FAM161A: variants seen among roughly 807,000 people sequenced by gnomAD.
FAM161A encodes protein FAM161A.
A neutral mutation model predicts 70.9 loss-of-function variants in FAM161A; 57 were observed. That is an observed-to-expected ratio of 0.80 (90% CI 0.65 to 1.00). The LOEUF (loss-of-function observed/expected upper bound fraction) is 1.00, where lower values mean the gene tolerates loss of function less well. Ranked by LOEUF, FAM161A falls within the 50% of genes least tolerant of loss-of-function variation. The pLI is 0.00. For missense variants in FAM161A, 880 were observed against 836.0 expected (o/e 1.05, Z -0.65); for synonymous variants, 299 against 295.7 (o/e 1.01, Z -0.12).
Position 61,839,853 on chromosome 2 carries a change from G to T in FAM161A, c.1151C>A (p.Thr384Lys). ...TAAATGCTCCTGGGCTCTCAGCTGT[G>T]TCCTAAGGTTTCGATAGAGCTCTTC... ...KEEELYRNLR[T>K]QLRAQEHLQN... Residue 384 changes from threonine to lysine, a missense_variant, in exon 3 of 7, where the codon ACA becomes AAA. Transcript: ENST00000404929. 6.2e-7 allele frequency: 1 copy of T among 1,614,190 alleles called. No individual in the cohort carries two copies. Among genetic ancestry groups the T allele is most frequent in the Non-Finnish European group, 8.5e-7 (1 of 1,180,038 alleles).
At chr2:61,813,718 C>CAAAAAAAAAAAA in the FAM161A span, among the ~76,000 whole-genome samples, 2 of 86,976 alleles carry the variant, frequency 2.3e-5, no homozygotes, top group African/African-American at 4.4e-5. Context: ...GACCCTGTCT[C>CAAAAAAAAAAAA]AAAAAAAAAA....
chr2:61,838,817 T>C (rs1289116184), intron 3 of FAM161A, 112 bp from the exon 4 acceptor site: 4 of 618,220 alleles, frequency 6.5e-6, no homozygotes, highest in Non-Finnish European at 9.6e-6. Context: ...TGAAAAAAGG[T>C]AACCTTTTGA....
At chr2:61,820,490 C>G, downstream of FAM161A, 2 of 754,464 alleles carry the variant, frequency 2.7e-6, no homozygotes, top group Admixed American at 1.7e-5. Context: ...TCTCAAAGAC[C>G]AGGTGCCCAC....
At chr2:61,844,536 T>C (rs371272817) in intron 1 of FAM161A, among the ~76,000 whole-genome samples, 1 of 151,802 alleles carries the variant, frequency 6.6e-6, no homozygotes, top group East Asian at 1.9e-4. Context: ...CCCTCTCTAC[T>C]AAAAATACAA....
chr2:61,813,011 C>T, the FAM161A span, among the ~76,000 whole-genome samples: 6 of 151,430 alleles, frequency 4.0e-5, no homozygotes, highest in Non-Finnish European at 5.9e-5. Flanking sequence ...TGCAGTGAGC[C>T]GAGATCATGC....
chr2:61,807,633 ATTTTTTT>A, the FAM161A span, among the ~76,000 whole-genome samples: 9 of 113,326 alleles, frequency 7.9e-5, no homozygotes, highest in African/African-American at 2.9e-4. Context: ...TGGACTCCAG[ATTTTTTT>A]TTTTTTTTTT....
At chr2:61,838,401 G>C in intron 4 of FAM161A, 137 bp downstream of exon 4, 1 of 731,300 alleles carries the variant, frequency 1.4e-6, no homozygotes, top group East Asian at 2.6e-5. Context: ...CTGAACACAA[G>C]TAACTGATGA....
chr2:61,825,697 GCGC>G lies in FAM161A; in HGVS notation c.*755_*757del, dbSNP rs1317936618. 7.1e-6 allele frequency: 3 copies of G among 420,124 alleles called. No individual in the cohort carries two copies. The highest frequency in any genetic ancestry group is 3.0e-5 in the Admixed American group (1 of 33,822). The allele number at this position is 420,124 out of a possible 1,614,324, so 26.0% of individuals were successfully genotyped here. Reference sequence around the variant, plus strand: ...CTGTTGCCCAAGCTGGAGTGCAGTGGCGCGATCTCGGCTCACTGCAAGCTCTGC... The same window carrying G: ...CTGTTGCCCAAGCTGGAGTGCAGTGGGATCTCGGCTCACTGCAAGCTCTGC... On this transcript the variant is annotated 3_prime_UTR_variant, in exon 7 of 7. Transcript: ENST00000404929.
In FAM161A at chr2:61,827,167, C is replaced by T. The variant is rs1672398473; in HGVS notation, c.1943G>A (p.Ser648Asn). The T allele has an allele frequency of 1.2e-6, 2 of 1,613,916 alleles. No homozygotes were observed. Among genetic ancestry groups the T allele is most frequent in the Admixed American group, 1.7e-5 (1 of 59,998 alleles). Residue 648 changes from serine to asparagine, a missense_variant, in exon 6 of 7, where the codon AGT (serine) becomes AAT (asparagine). Transcript: ENST00000404929. ...SDEFVSKKGQSGKVLEYFNNQ... is the reference protein window; with the variant it reads ...SDEFVSKKGQNGKVLEYFNNQ... ...GTTGAAGTACTCAAGTACTTTTCCA[C>T]TTTGGCCTTTCTTTGAAACAAACTC...
In FAM161A at chr2:61,825,414, C is replaced by T. The variant is rs1672316075; in HGVS notation, c.*1041G>A. The T allele has an allele frequency of 2.2e-6, 1 of 453,816 alleles. No individual in the cohort carries two copies. Among genetic ancestry groups the T allele is most frequent in the Admixed American group, 2.4e-5 (1 of 42,504 alleles). 28.1% of individuals were successfully genotyped at this position (453,816 alleles called of 1,614,324 possible). On this transcript the variant is annotated 3_prime_UTR_variant, in exon 7 of 7. Coordinates refer to ENST00000404929, the MANE Select transcript of FAM161A (RefSeq NM_001201543.2). ...TCATATAAAAAAAGGGATACTTGCC[C>T]CTAATTTAGATTATAACTCACACAT...
chr2:61,837,183 T>C (rs937039185), intron 4 of FAM161A, among the ~76,000 whole-genome samples: 4 of 152,160 alleles, frequency 2.6e-5, no homozygotes, highest in Admixed American at 1.3e-4. Flanking sequence ...TGTTATTTTT[T>C]TCCCCTAAAT....
chr2:61,820,613 A>G (rs1672183332), downstream of FAM161A: 3 of 650,936 alleles, frequency 4.6e-6, no homozygotes, highest in South Asian at 1.6e-5. Context: ...TTAAGGGGTT[A>G]TTCTTTTTTG....
chr2:61,808,442 C>G, the FAM161A span, among the ~76,000 whole-genome samples: 1 of 151,774 alleles, frequency 6.6e-6, no homozygotes, highest in Admixed American at 6.6e-5. Flanking sequence ...CTAGCTAATT[C>G]TTTGTATTTT....
rs545555507 is a variant in FAM161A, at chr2:61,827,988, T to C, written c.1852-730A>G. Among the ~76,000 whole-genome samples the C allele has an allele frequency of 2.0e-4, 31 of 152,338 alleles. No individual in the cohort carries two copies. The South Asian group carries it at 6.4e-3, about 32-fold the overall frequency. The stretch of plus-strand genomic sequence containing the variant: ...GAAGCAAAGCACTGACAAGTACATA[T>C]TGTATGATCTATATAAAGTTCAGAA... On this transcript the variant is annotated intron_variant, in intron 5 of 6. Coordinates refer to ENST00000404929, the MANE Select transcript of FAM161A (RefSeq NM_001201543.2).
At chr2:61,836,167 C>T (rs975055099) in intron 4 of FAM161A, 58 bp from the exon 5 acceptor site, 1 of 1,147,924 alleles carries the variant, frequency 8.7e-7, no homozygotes, top group African/African-American at 1.5e-5. Flanking sequence ...TAAGAACTTA[C>T]ATATGTAACA....
downstream of FAM161A, among the ~76,000 whole-genome samples, chr2:61,823,905 T>C (rs1413459154): frequency 6.6e-6 from 1 of 152,182 alleles, no homozygotes; most frequent in Non-Finnish European, 1.5e-5. Flanking sequence ...ATGATACAAA[T>C]GTAAAAAATT....
chr2:61,838,633 C>T lies in FAM161A; in HGVS notation c.1656G>A (p.Met552Ile). Residue 552 changes from methionine to isoleucine, a missense_variant, in exon 4 of 7, where the codon ATG becomes ATA. Physicochemically the swap from Met to Ile is conservative, Grantham distance 10 (BLOSUM62 1). Coordinates refer to ENST00000404929, the MANE Select transcript of FAM161A (RefSeq NM_001201543.2). ...NRILTKQKQR[M>I]KELQKLLTTR... ...TTGTCAGGAGTTTCTGCAATTCTTT[C>T]ATTCTTTGCTTCTGTTTAGTTAGGA... is the stretch of plus-strand genomic sequence containing the variant. The T allele has an allele frequency of 6.2e-7, 1 of 1,611,928 alleles. No individual in the cohort carries two copies. The highest frequency in any genetic ancestry group is 8.5e-7 in the Non-Finnish European group (1 of 1,179,444).
the FAM161A span, among the ~76,000 whole-genome samples, chr2:61,804,768 G>GAAAAAGAAAGAAAGAAAGAA: frequency 4.5e-4 from 54 of 119,038 alleles, 1 homozygote; most frequent in South Asian, 0.014. Context: ...GAAAAAGAAA[G>GAAAAAGAAAGAAAGAAAGAA]AGAAAGAAAG....
downstream of FAM161A, among the ~76,000 whole-genome samples, chr2:61,821,055 C>CTT (rs557835002): frequency 7.0e-6 from 1 of 143,362 alleles, no homozygotes; most frequent in African/African-American, 2.5e-5. Flanking sequence ...CTTTTTTTTT[C>CTT]TTTTTTTTTT....
Sources: allele counts gnomAD v4.1 joint callset (sites outside exome capture counted in the v4.1 genomes callset), GRCh38; gene constraint gnomAD v4.1.1; transcripts MANE v1.5; gene names NCBI Gene and HGNC (gene_info 2026-07-23, HGNC 2026-07-21).